Variants in WNT10B observed in about 807,000 individuals in gnomAD.
WNT10B encodes Wnt family member 10B, also known as protein Wnt-10b.
In WNT10B, 26 loss-of-function variants were observed where a neutral mutation model predicts 32.7. The ratio of observed to expected loss-of-function variants is 0.79; its 90% CI spans 0.58 to 1.10. WNT10B has a LOEUF of 1.10. WNT10B is among the 50% of genes least tolerant of loss of function. The pLI is 0.00. For synonymous variants in WNT10B, 204 were observed against 220.4 expected (o/e 0.93, Z 0.66); for missense variants, 474 against 532.5 (o/e 0.89, Z 1.08).
In WNT10B at chr12:48,968,355, T is replaced by C. The variant is rs368417442; in HGVS notation, c.338-36A>G. 30 of 1,599,696 alleles carry C rather than the reference T, an allele frequency of 1.9e-5. No individual in the cohort carries two copies. The African/African-American group carries it at 2.9e-4, about 16-fold the overall frequency. On this transcript the variant is annotated intron_variant, in intron 3 of 4. Transcript: ENST00000301061. ...GAAGGGTGTGATGGTGGAGGTAAGG[T>C]TGACAGGCAGCTGAGAGTGTGGAGG...
At chr12:48,969,788 G>A (rs1035771182) in intron 3 of WNT10B, among the ~76,000 whole-genome samples, 1 of 151,876 alleles carries the variant, frequency 6.6e-6, no homozygotes, top group African/African-American at 2.4e-5. Flanking sequence ...TCCAGGACTG[G>A]GGGCATCTCT....
Position 48,966,497 on chromosome 12 carries a change from G to C in WNT10B, c.768C>G (p.Cys256Trp). 1 of 1,614,060 alleles carries C rather than the reference G, an allele frequency of 6.2e-7. No homozygotes were observed. The highest frequency in any genetic ancestry group is 1.1e-5 in the South Asian group (1 of 91,086). Residue 256 changes from cysteine to tryptophan, a missense_variant, in exon 5 of 5, where the codon TGC becomes TGG. Physicochemically the swap from Cys to Trp is radical, Grantham distance 215. Transcript: ENST00000301061. Reference sequence around the variant, plus strand: ...CCGCCCTCCAGCATGTCTTGAACTGGCAGCTGCCTGATGTGCCATGACACT... The same window carrying C: ...CCGCCCTCCAGCATGTCTTGAACTGCCAGCTGCCTGATGTGCCATGACACT... ...KCKCHGTSGS[C>W]QFKTCWRAAP...
chr12:48,966,442 A>G lies in WNT10B; in HGVS notation c.823T>C (p.Leu275=), dbSNP rs1464503977. The G allele has an allele frequency of 1.9e-6, 3 of 1,613,864 alleles. No individual in the cohort carries two copies. Among genetic ancestry groups the G allele is most frequent in the Non-Finnish European group, 2.5e-6 (3 of 1,180,040 alleles). ...ATGGCCCGGCCCAGCCGCTCCCTCAACGCCGCCCCCACTGCCCGGAACTCT... is the reference window on the plus strand; with the variant it reads ...ATGGCCCGGCCCAGCCGCTCCCTCAGCGCCGCCCCCACTGCCCGGAACTCT... The part of the protein sequence containing the change: ...APEFRAVGAA[L]RERLGRAIFI... Residue 275 remains leucine, a synonymous_variant, in exon 5 of 5, where the codon TTG becomes CTG. Transcript: ENST00000301061.
chr12:48,967,935 T>TAC lies in WNT10B; in HGVS notation c.711+9_711+10dup, dbSNP rs768690383. 3.7e-6 allele frequency: 6 copies of TAC among 1,614,088 alleles called. No homozygotes were observed. The East Asian group carries it at 1.1e-4, about 30-fold the overall frequency. ...AGCTGGGGAGACCCAGGACAAGATG[T>TAC]ACACACATACCTGGCGCCCCACCCT... is the stretch of plus-strand genomic sequence containing the variant. On this transcript the variant is annotated intron_variant, in intron 4 of 4. Coordinates refer to ENST00000301061, the MANE Select transcript of WNT10B (RefSeq NM_003394.4).
rs148868778 is a variant in WNT10B at position 48,970,997 on chromosome 12, G to C, written c.-40-428C>G. On this transcript the variant is annotated intron_variant, in intron 1 of 4. Coordinates refer to ENST00000301061, the MANE Select transcript of WNT10B (RefSeq NM_003394.4). The surrounding 1 kb of genome is among the most constrained non-coding windows in gnomAD (Gnocchi z 5.0). ...GGAGGAGGTTCCCCACCACCTAAGG[G>C]GGTGTCACCTCCAGGTGTCATCAAG... 1,574 of 210,450 alleles carry C rather than the reference G, an allele frequency of 7.5e-3. 13 individuals are homozygous for C. Among genetic ancestry groups the C allele is most frequent in the Admixed American group, 0.012 (230 of 19,116 alleles). The allele number at this position is 210,450 out of a possible 1,614,324, so 13.0% of individuals were successfully genotyped here.
Position 48,970,079 on chromosome 12 carries a change from C to G in WNT10B, c.337+10G>C, listed in dbSNP as rs1316076275. ...TCCGCGGCAGCGCCGACCCGCCCAGCCAGGCTCACCGCGCTTGAGGATGGC... is the reference window on the plus strand; with the variant it reads ...TCCGCGGCAGCGCCGACCCGCCCAGGCAGGCTCACCGCGCTTGAGGATGGC... On this transcript the variant is annotated intron_variant, in intron 3 of 4. Transcript: ENST00000301061. This position sits in a 1 kb window ranked among gnomAD's most constrained non-coding sequence, Gnocchi z 5.0. 1 of 1,510,720 alleles carries G rather than the reference C, an allele frequency of 6.6e-7. No homozygotes were observed. Among genetic ancestry groups the G allele is most frequent in the African/African-American group, 1.4e-5 (1 of 72,048 alleles). The allele number at this position is 1,510,720 out of a possible 1,614,324, so 93.6% of individuals were successfully genotyped here.
At chr12:48,967,899 CA>C (rs746817353) in intron 4 of WNT10B, 46 bp downstream of exon 4, 2 of 1,607,686 alleles carry the variant, frequency 1.2e-6, no homozygotes, top group South Asian at 2.2e-5. Context: ...AAACTCTAAC[CA>C]GGCCTCAAAA....
At chr12:48,968,746 G>A (rs940727112) in intron 3 of WNT10B, among the ~76,000 whole-genome samples, 39 of 151,808 alleles carry the variant, frequency 2.6e-4, no homozygotes, top group African/African-American at 8.0e-4. Context: ...GGGAGCTTGG[G>A]TGGGTGAGGT....
intron 3 of WNT10B, chr12:48,968,967 CTATAAA>C (rs1184289775): frequency 2.4e-6 from 1 of 420,614 alleles, no homozygotes; most frequent in Non-Finnish European, 4.9e-6. Flanking sequence ...TGCTATTACC[CTATAAA>C]ACACTGAGAG....
In WNT10B at chr12:48,970,183, G is replaced by T; in HGVS notation, c.243C>A (p.His81Gln). 6.4e-7 allele frequency: 1 copy of T among 1,569,988 alleles called. No individual in the cohort carries two copies. Among genetic ancestry groups the T allele is most frequent in the Non-Finnish European group, 8.6e-7 (1 of 1,159,204 alleles). Residue 81 changes from histidine to glutamine, a missense_variant, in exon 3 of 5, where the codon CAC becomes CAA. By Grantham distance (24) the His-to-Gln change is conservative (BLOSUM62 0). Transcript: ENST00000301061. The surrounding 1 kb of genome is among the most constrained non-coding windows in gnomAD (Gnocchi z 5.0). ...GGTCGCGCAGCTGGTGCTGACACTCGTGGACCGCGATGTGCAGACCCTGAA... is the reference window on the plus strand; with the variant it reads ...GGTCGCGCAGCTGGTGCTGACACTCTTGGACCGCGATGTGCAGACCCTGAA... ...SALQGLHIAVHECQHQLRDQR... is the reference protein window; with the variant it reads ...SALQGLHIAVQECQHQLRDQR...
chr12:48,968,133 TG>T lies in WNT10B; in HGVS notation c.523del (p.His175ThrfsTer65), dbSNP rs773465370. 1.4e-5 allele frequency: 23 copies of T among 1,613,720 alleles called. No homozygotes were observed. The East Asian group carries it at 4.9e-4, about 34-fold the overall frequency. On this transcript the variant is annotated frameshift_variant, in exon 4 of 5. Transcript: ENST00000301061. LOFTEE classifies it high-confidence loss of function. ...QALSRGKSFPHSLPSPGPGSS... is the reference protein window; with the variant it reads ...QALSRGKSFPXSLPSPGPGSS... ...GCCAGGGCCAGGGCTGGGCAGAGAG[TG>T]GGGGAAACTCTTGCCTCGGGACAGT...
At chr12:48,969,052 G>C in intron 3 of WNT10B, 1 of 470,250 alleles carries the variant, frequency 2.1e-6, no homozygotes, top group Non-Finnish European at 4.4e-6. Flanking sequence ...GTTATGTTTT[G>C]GGGGTCACAG....
Position 48,970,524 on chromosome 12 carries a change from C to G in WNT10B, c.6G>C (p.Leu2=), listed in dbSNP as rs1592252867. The part of the protein sequence containing the change: M[L]EEPRPRPPPS... Reference sequence around the variant, plus strand: ...GCGGAGGCCGCGGCCGGGGCTCCTCCAGCATGTCGAAGCCCGGAGGCTCCG... The same window carrying G: ...GCGGAGGCCGCGGCCGGGGCTCCTCGAGCATGTCGAAGCCCGGAGGCTCCG... The change falls in exon 2 of 5, where the codon CTG becomes CTC. Residue 2 remains leucine (L), a synonymous_variant. Transcript: ENST00000301061. The surrounding 1 kb of genome is among the most constrained non-coding windows in gnomAD (Gnocchi z 5.0). The G allele has an allele frequency of 6.3e-7, 1 of 1,580,426 alleles. No individual in the cohort carries two copies. The highest frequency in any genetic ancestry group is 8.6e-7 in the Non-Finnish European group (1 of 1,163,188).
In WNT10B at chr12:48,968,115, C is replaced by A. The variant is rs201134314; in HGVS notation, c.542G>T (p.Gly181Val). 3 of 1,614,222 alleles carry A rather than the reference C, an allele frequency of 1.9e-6. No individual in the cohort carries two copies. Among genetic ancestry groups the A allele is most frequent in the Non-Finnish European group, 2.5e-6 (3 of 1,180,038 alleles). The change falls in exon 4 of 5, where the codon GGC becomes GTC. Residue 181 changes from glycine to valine, a missense_variant. Coordinates refer to ENST00000301061, the MANE Select transcript of WNT10B (RefSeq NM_003394.4). ...KSFPHSLPSP[G>V]PGSSPSPGPQ... ...GCCAGGGCTGGGGCTTGAGCCAGGG[C>A]CAGGGCTGGGCAGAGAGTGGGGGAA...
chr12:48,969,070 G>C (rs991553256), intron 3 of WNT10B: 1 of 470,748 alleles, frequency 2.1e-6, no homozygotes, highest in Admixed American at 2.4e-5. Flanking sequence ...CAGAAGCTCA[G>C]GCTGCCAAGC....
rs1311509449 is a variant in WNT10B at position 48,966,259 on chromosome 12, T to C, written c.1006A>G (p.Lys336Glu). ...CAGCCATCCAACAGGCGGCTGGTCTTGTTGCAGGCCCGGCCCCTTGTCCCT... is the reference window on the plus strand; with the variant it reads ...CAGCCATCCAACAGGCGGCTGGTCTCGTTGCAGGCCCGGCCCCTTGTCCCT... ...SPGTRGRACNKTSRLLDGCGS... is the reference protein window; with the variant it reads ...SPGTRGRACNETSRLLDGCGS... Residue 336 changes from lysine to glutamate, a missense_variant, in exon 5 of 5, where the codon AAG becomes GAG. Coordinates refer to ENST00000301061, the MANE Select transcript of WNT10B (RefSeq NM_003394.4). The C allele has an allele frequency of 6.2e-7, 1 of 1,614,090 alleles. No homozygotes were observed. Among genetic ancestry groups the C allele is most frequent in the African/African-American group, 1.3e-5 (1 of 74,942 alleles).
At position 48,970,325 on chromosome 12, in the gene WNT10B, A is replaced by T. The variant is rs766670692; in HGVS notation, c.101T>A (p.Leu34Gln). 28 of 1,613,884 alleles carry T rather than the reference A, an allele frequency of 1.7e-5. No homozygotes were observed. Among genetic ancestry groups the T allele is most frequent in the Non-Finnish European group, 1.7e-6 (2 of 1,179,964 alleles). Residue 34 changes from leucine (L) to glutamine (Q), a missense_variant, in exon 3 of 5, where the codon CTG becomes CAG. Leu to Gln is a moderately radical substitution (Grantham distance 113, BLOSUM62 -2). Transcript: ENST00000301061. The surrounding 1 kb of genome is among the most constrained non-coding windows in gnomAD (Gnocchi z 5.0). Reference protein sequence around the residue: ...SRALSNEILGLKLPGEPPLTA... With the variant: ...SRALSNEILGQKLPGEPPLTA... ...CAGCGGCGGCTCGCCAGGCAACTTC[A>T]GGCCCAGAATCTCATTGCTTAGAGC...
Position 48,965,885 on chromosome 12 carries a change from G to A in WNT10B, c.*210C>T. The A allele has an allele frequency of 1.6e-6, 1 of 609,942 alleles. No homozygotes were observed. Among genetic ancestry groups the A allele is most frequent in the South Asian group, 2.0e-5 (1 of 50,614 alleles). The allele number at this position is 609,942 out of a possible 1,614,324, so 37.8% of individuals were successfully genotyped here. On this transcript the variant is annotated 3_prime_UTR_variant, in exon 5 of 5. Transcript: ENST00000301061. ...GTGTCTAAGGAGCAGAAGAGGGGTG[G>A]CAGCTTCCCCTCAAGACCCTCCAAT...
At chr12:48,966,874 GC>G (rs1227336489) in intron 4 of WNT10B, among the ~76,000 whole-genome samples, 1 of 152,172 alleles carries the variant, frequency 6.6e-6, no homozygotes, top group African/African-American at 2.4e-5. Context: ...TGGGAGTCTG[GC>G]CCACAGCATG....
Sources: gnomAD v4.1 joint callset for allele counts (sites outside exome capture counted in the v4.1 genomes callset) on GRCh38, gnomAD v4.1.1 for gene constraint, Gnocchi (gnomAD v3.1) non-coding constraint, MANE v1.5 for transcripts, NCBI Gene and HGNC (gene_info 2026-07-23, HGNC 2026-07-21) for gene names.